CPVL: variants seen among roughly 807,000 people sequenced by gnomAD.
The protein encoded by CPVL is probable serine carboxypeptidase CPVL.
CPVL carries 51 observed loss-of-function variants against 63.7 expected under a neutral mutation model. The ratio of observed to expected loss-of-function variants is 0.80; its 90% CI spans 0.64 to 1.01. The LOEUF (loss-of-function observed/expected upper bound fraction) is 1.01, where lower values mean the gene tolerates loss of function less well. Ranked by LOEUF, CPVL falls within the 50% of genes least tolerant of loss-of-function variation. The pLI, the probability that CPVL is intolerant of heterozygous loss-of-function variation, is 0.00. For missense variants in CPVL, 530 were observed against 573.1 expected (o/e 0.92, Z 0.77); for synonymous variants, 195 against 206.0 (o/e 0.95, Z 0.46).
At chr7:29,074,324 T>C (rs1333677191) in intron 7 of CPVL, among the ~76,000 whole-genome samples, 5 of 152,244 alleles carry the variant, frequency 3.3e-5, no homozygotes, top group Admixed American at 2.6e-4. Context: ...CCTTGTGTAA[T>C]ATAAAGGTGT....
rs570109672 is a variant in CPVL, at chr7:29,012,816, G to A, written c.1321-16934C>T. On this transcript the variant is annotated intron_variant, in intron 12 of 12. Coordinates refer to ENST00000265394, the MANE Select transcript of CPVL (RefSeq NM_031311.5). The stretch of plus-strand genomic sequence containing the variant: ...GGGACAAAAGACATCATAGTTTAGG[G>A]TTCCCAAACTGGCTACATATTAGAA... The A allele has an allele frequency of 5.3e-5, 8 of 152,294 alleles. No individual in the cohort carries two copies. The South Asian group carries it at 6.2e-4, about 12-fold the overall frequency. 9.4% of individuals were successfully genotyped at this position (152,294 alleles called of 1,614,324 possible).
chr7:29,003,309 A>G (rs566619893), intron 12 of CPVL, among the ~76,000 whole-genome samples: 23 of 152,282 alleles, frequency 1.5e-4, no homozygotes, highest in Admixed American at 1.4e-3. Flanking sequence ...AACAGAAACA[A>G]TGAAAGCTGG....
chr7:29,122,786 A>AT lies in CPVL; in HGVS notation c.-10-1716dup, dbSNP rs1789512211. On this transcript the variant is annotated intron_variant, in intron 1 of 12. Transcript: ENST00000265394. Reference sequence around the variant, plus strand: ...ATGTTGACCATTTTTATTATCATTAATTTTTCTCTGCATTATACAGTTTTT... The same window carrying AT: ...ATGTTGACCATTTTTATTATCATTAATTTTTTCTCTGCATTATACAGTTTTT... 2.6e-5 allele frequency: 4 copies of AT among 152,194 alleles called. No homozygotes were observed. In the South Asian group the frequency reaches 8.3e-4, roughly 32 times the overall value. The allele number at this position is 152,194 out of a possible 1,614,324, so 9.4% of individuals were successfully genotyped here.
At chr7:29,073,273 A>G (rs1783927692) in intron 7 of CPVL, among the ~76,000 whole-genome samples, 1 of 152,098 alleles carries the variant, frequency 6.6e-6, no homozygotes, top group African/African-American at 2.4e-5. Context: ...CTCGTATTCC[A>G]CAGAAGTCAA....
intron 5 of CPVL, among the ~76,000 whole-genome samples, chr7:29,170,761 C>G (rs1796493707): frequency 6.6e-6 from 1 of 152,160 alleles, no homozygotes; most frequent in Admixed American, 6.6e-5. Context: ...TTTAATTGGA[C>G]TTATAGTTCC....
At chr7:29,093,145 G>A (rs963208678) in intron 5 of CPVL, among the ~76,000 whole-genome samples, 1 of 152,006 alleles carries the variant, frequency 6.6e-6, no homozygotes, top group African/African-American at 2.4e-5. Flanking sequence ...CAGCACTTTG[G>A]GAGGCTGAGG....
At chr7:29,040,109 T>C (rs1788927480) in intron 11 of CPVL, among the ~76,000 whole-genome samples, 1 of 152,142 alleles carries the variant, frequency 6.6e-6, no homozygotes, top group African/African-American at 2.4e-5. Context: ...GAATTTTCCC[T>C]ACAGATGCTA....
intron 1 of CPVL, among the ~76,000 whole-genome samples, chr7:29,131,546 T>C (rs1790701847): frequency 6.6e-6 from 1 of 152,202 alleles, no homozygotes; most frequent in Non-Finnish European, 1.5e-5. Context: ...TTTTGTTTTT[T>C]TGAGACACGG....
intron 6 of CPVL, among the ~76,000 whole-genome samples, chr7:29,088,654 A>G (rs545939225): frequency 2.6e-5 from 4 of 152,352 alleles, no homozygotes; most frequent in African/African-American, 7.2e-5. Flanking sequence ...TCAAGCCCAC[A>G]TGAAATTACA....
chr7:29,014,772 A>G (rs1786230945), intron 12 of CPVL, among the ~76,000 whole-genome samples: 2 of 152,228 alleles, frequency 1.3e-5, no homozygotes, highest in African/African-American at 4.8e-5. Context: ...GTCAAATGCA[A>G]AAGTGACATT....
intron 5 of CPVL, among the ~76,000 whole-genome samples, chr7:29,180,694 CTAAT>C (rs1229154799): frequency 3.3e-5 from 5 of 152,114 alleles, no homozygotes; most frequent in Non-Finnish European, 5.9e-5. Flanking sequence ...TTATTACAAA[CTAAT>C]AAGAAGAACA....
intron 7 of CPVL, among the ~76,000 whole-genome samples, chr7:29,073,954 G>A (rs925433480): frequency 2.0e-5 from 3 of 152,216 alleles, no homozygotes; most frequent in Non-Finnish European, 4.4e-5. Context: ...ATACCTGTGA[G>A]TTCACAGACC....
intron 1 of CPVL, among the ~76,000 whole-genome samples, chr7:29,133,834 A>G (rs1790932963): frequency 6.6e-6 from 1 of 152,236 alleles, no homozygotes; most frequent in Non-Finnish European, 1.5e-5. Flanking sequence ...CAGAATATAA[A>G]TAAGAAACAA....
intron 1 of CPVL, chr7:29,195,044 C>G (rs1220234948): frequency 6.5e-7 from 1 of 1,547,248 alleles, no homozygotes; most frequent in Admixed American, 1.8e-5. Flanking sequence ...CCCCACTGCC[C>G]TCGCCCCGCA....
chr7:29,139,323 C>T (rs558744369), intron 1 of CPVL, among the ~76,000 whole-genome samples: 6 of 152,248 alleles, frequency 3.9e-5, no homozygotes, highest in African/African-American at 1.2e-4. Context: ...ATATAATTCC[C>T]AAAATCCCTT....
intron 12 of CPVL, among the ~76,000 whole-genome samples, chr7:29,007,021 CTT>C (rs1157174414): frequency 2.0e-5 from 3 of 152,218 alleles, no homozygotes; most frequent in East Asian, 1.9e-4. Context: ...CCAATTCCCT[CTT>C]TGTTCCTCAA....
At chr7:29,082,354 C>A (rs1784814405) in intron 7 of CPVL, 2 of 152,156 alleles carry the variant, frequency 1.3e-5, no homozygotes, top group Non-Finnish European at 2.9e-5. Context: ...GGCTGAAAGA[C>A]TTTTCTGAAA....
intron 11 of CPVL, 94 bp downstream of exon 11, chr7:29,063,967 A>C: frequency 1.3e-5 from 2 of 159,986 alleles, no homozygotes; most frequent in Non-Finnish European, 2.3e-5. Context: ...CATAAAAGTT[A>C]AAAAAAAAAA....
At chr7:29,158,585 T>C (rs149314414) in intron 5 of CPVL, among the ~76,000 whole-genome samples, 36 of 152,316 alleles carry the variant, frequency 2.4e-4, no homozygotes, top group Admixed American at 6.5e-4. Context: ...CAACATCCTC[T>C]ACGAGATCTG....
Sources: gnomAD v4.1 joint callset for allele counts (sites outside exome capture counted in the v4.1 genomes callset) on GRCh38, gnomAD v4.1.1 for gene constraint, MANE v1.5 for transcripts, NCBI Gene and HGNC (gene_info 2026-07-23, HGNC 2026-07-21) for gene names.